TENM2: variants seen among roughly 807,000 people sequenced by gnomAD.
TENM2 encodes the protein teneurin transmembrane protein 2.
TENM2 carries 52 observed loss-of-function variants against 245.2 expected under a neutral mutation model. The observed-to-expected ratio is 0.21, with a 90% CI of 0.17 to 0.27. TENM2 has a LOEUF of 0.27. Among genes scored for constraint, TENM2 ranks in the 10% least tolerant of loss-of-function variants. The pLI is 1.00. For synonymous variants in TENM2, 1,363 were observed against 1,438.9 expected, an observed-to-expected ratio of 0.95 and a Z score of 1.19; for missense variants, 3,046 against 3,666.8, an observed-to-expected ratio of 0.83 and a Z score of 4.37.
At chr5:167,704,576 G>A (rs1758376874) in intron 2 of TENM2, among the ~76,000 whole-genome samples, 2 of 152,100 alleles carry the variant, frequency 1.3e-5, no homozygotes, top group Non-Finnish European at 2.9e-5. Context: ...ATATTAGGTG[G>A]CATGGGATTG....
At chr5:168,215,582 T>C (rs1435154837) in intron 21 of TENM2, among the ~76,000 whole-genome samples, 1 of 152,120 alleles carries the variant, frequency 6.6e-6, no homozygotes, top group Admixed American at 6.5e-5. Context: ...GGCAGGAGAA[T>C]GGCGTGAACC....
At position 167,374,969 on chromosome 5, in the gene TENM2, A is replaced by C. The variant is rs915280887; in HGVS notation, c.227-229A>C. ...ACATGCCTAAAAATCTCTGAAATAA[A>C]ATCTGAGCATTTTGTCCTATCATCG... On this transcript the variant is annotated intron_variant, in intron 1 of 28. Coordinates refer to ENST00000518659, the Ensembl canonical transcript of TENM2. Among the ~76,000 whole-genome samples, 2 of 152,144 alleles carry C rather than the reference A, an allele frequency of 1.3e-5. 1 individual carries two copies. Among genetic ancestry groups the C allele is most frequent in the South Asian group, 4.1e-4 (2 of 4,824 alleles).
At chr5:167,954,544 G>A (rs1477617787) in intron 4 of TENM2, among the ~76,000 whole-genome samples, 1 of 152,158 alleles carries the variant, frequency 6.6e-6, no homozygotes, top group Non-Finnish European at 1.5e-5. Flanking sequence ...GTATAAACAT[G>A]CCATGGTGGT....
rs1020066134 is a variant in TENM2 at position 168,197,194 on chromosome 5, A to G, written c.2901-1659A>G. Among the ~76,000 whole-genome samples, 9 of 152,302 alleles carry G rather than the reference A, an allele frequency of 5.9e-5. No homozygotes were observed. In the South Asian group the frequency reaches 1.5e-3, roughly 25 times the overall value. On this transcript the variant is annotated intron_variant, in intron 15 of 28. Coordinates refer to ENST00000518659, the Ensembl canonical transcript of TENM2. ...CATAAATAAAGTAATTAATAAGTAA[A>G]CTATTGTACTGTACATGCTCTGATA... is the stretch of plus-strand genomic sequence containing the variant.
intron 9 of TENM2, among the ~76,000 whole-genome samples, chr5:168,108,511 C>T (rs113789956): frequency 0.026 from 3,929 of 152,260 alleles, 179 homozygotes; most frequent in African/African-American, 0.09. Context: ...CCATGCTTGG[C>T]ACGTATTAAA....
At chr5:167,414,899 A>G (rs1763086810) in intron 2 of TENM2, among the ~76,000 whole-genome samples, 1 of 152,134 alleles carries the variant, frequency 6.6e-6, no homozygotes, top group African/African-American at 2.4e-5. Flanking sequence ...CCGATATTCA[A>G]ATTTTCATAA....
chr5:167,920,506 G>A (rs1313890911), intron 3 of TENM2, among the ~76,000 whole-genome samples: 4 of 127,180 alleles, frequency 3.1e-5, no homozygotes, highest in Admixed American at 8.6e-5. Flanking sequence ...CAACAAGAGC[G>A]AAACTCCATC....
chr5:167,325,972 G>T lies in TENM2; in HGVS notation c.226+40909G>T, dbSNP rs144782578. Among the ~76,000 whole-genome samples, 704 of 152,316 alleles carry T rather than the reference G, an allele frequency of 4.6e-3. 8 individuals carry two copies. Among genetic ancestry groups the T allele is most frequent in the African/African-American group, 0.016 (674 of 41,570 alleles). ...GTAACTTTGGAGAGAGATAAGGAAAGAACCCTTTACATGGACCTGTCTGAA... is the reference window on the plus strand; with the variant it reads ...GTAACTTTGGAGAGAGATAAGGAAATAACCCTTTACATGGACCTGTCTGAA... On this transcript the variant is annotated intron_variant, in intron 1 of 28. Transcript: ENST00000518659.
At chr5:167,810,449 C>T (rs1241251597) in intron 2 of TENM2, among the ~76,000 whole-genome samples, 1 of 151,766 alleles carries the variant, frequency 6.6e-6, no homozygotes, top group Non-Finnish European at 1.5e-5. Flanking sequence ...CTCCCCATTT[C>T]GCCACCATTA....
chr5:167,654,885 G>A (rs1025179474), intron 2 of TENM2, among the ~76,000 whole-genome samples: 2 of 152,020 alleles, frequency 1.3e-5, no homozygotes, highest in African/African-American at 4.8e-5. Flanking sequence ...GCACAGATGT[G>A]CTACTTTTGC....
At chr5:167,512,694 A>T (rs547602205) in intron 2 of TENM2, among the ~76,000 whole-genome samples, 4 of 152,342 alleles carry the variant, frequency 2.6e-5, no homozygotes, top group Non-Finnish European at 5.9e-5. Flanking sequence ...AATTATTTTT[A>T]AAATATGGCT....
In TENM2 at chr5:167,567,456, A is replaced by T. The variant is rs368877195; in HGVS notation, c.502+191983A>T. On this transcript the variant is annotated intron_variant, in intron 2 of 28. Transcript: ENST00000518659. ...CCTCGTAGAAGAGAGAGATTGTATAATTGGGCCTGAAATGACCTCCTAGAA... is the reference window on the plus strand; with the variant it reads ...CCTCGTAGAAGAGAGAGATTGTATATTTGGGCCTGAAATGACCTCCTAGAA... Among the ~76,000 whole-genome samples the T allele has an allele frequency of 2.1e-3, 320 of 152,264 alleles. 12 individuals carry two copies. The South Asian group carries it at 0.065, about 31-fold the overall frequency.
At chr5:167,944,848 A>AT (rs1197858203) in intron 3 of TENM2, among the ~76,000 whole-genome samples, 1 of 152,230 alleles carries the variant, frequency 6.6e-6, no homozygotes, top group African/African-American at 2.4e-5. Context: ...TAAAACTGTT[A>AT]TTTTAAAAAA....
chr5:167,405,830 G>A (rs998400914), intron 2 of TENM2, among the ~76,000 whole-genome samples: 1 of 147,792 alleles, frequency 6.8e-6, no homozygotes, highest in Non-Finnish European at 1.5e-5. Context: ...TTCCTGAGAA[G>A]GAACTTGCAG....
chr5:167,617,858 T>C (rs1777891639), intron 2 of TENM2, among the ~76,000 whole-genome samples: 1 of 152,218 alleles, frequency 6.6e-6, no homozygotes, highest in South Asian at 2.1e-4. Context: ...ATATTCAGAA[T>C]GAAGGAATAA....
intron 2 of TENM2, among the ~76,000 whole-genome samples, chr5:167,562,095 G>A (rs1773629587): frequency 2.0e-5 from 3 of 152,180 alleles, no homozygotes; most frequent in Admixed American, 1.3e-4. Flanking sequence ...AAAGCAGGAG[G>A]TATGGCAGTG....
rs1256046472 is a variant in TENM2 at position 167,822,315 on chromosome 5, A to T, written c.503-53671A>T. On this transcript the variant is annotated intron_variant, in intron 2 of 28. Transcript: ENST00000518659. ...TTTAAACCTGTTTTAAACATGCAAA[A>T]ACTGGGTCGCTTGTTAGTTTCTATT... Among the ~76,000 whole-genome samples the T allele has an allele frequency of 2.0e-5, 3 of 152,156 alleles. No homozygotes were observed. In the East Asian group the frequency reaches 5.8e-4, roughly 29 times the overall value.
intron 2 of TENM2, among the ~76,000 whole-genome samples, chr5:167,470,454 C>T (rs200899931): frequency 3.0e-3 from 142 of 47,394 alleles, no homozygotes; most frequent in South Asian, 8.2e-3. Flanking sequence ...GCAATGCTTG[C>T]TTTTTTTTTT....
chr5:168,260,420 A>C lies in TENM2; in HGVS notation c.7563+7A>C. 1 of 1,613,318 alleles carries C rather than the reference A, an allele frequency of 6.2e-7. No individual in the cohort carries two copies. Among genetic ancestry groups the C allele is most frequent in the South Asian group, 1.1e-5 (1 of 90,954 alleles). On this transcript the variant is annotated splice_region_variant and intron_variant, in intron 28 of 28. Coordinates refer to ENST00000518659, the Ensembl canonical transcript of TENM2. ...AGCAAGTGAGAATGGACAGGTAAGC[A>C]GAGGTTCCTGCCAAGAATCCAAATG...
Sources: gnomAD v4.1 joint callset for allele counts (sites outside exome capture counted in the v4.1 genomes callset) on GRCh38, gnomAD v4.1.1 for gene constraint, MANE v1.5 for transcripts, NCBI Gene and HGNC (gene_info 2026-07-23, HGNC 2026-07-21) for gene names.